The following GALNT2 variants were observed in gnomAD, a reference collection of about 807,000 sequenced individuals.
GALNT2 encodes UDP-GalNAc:polypeptide N-acetylgalactosaminyltransferase 2.
In GALNT2, 31 loss-of-function variants were observed where a neutral mutation model predicts 81.4. That is an observed-to-expected ratio of 0.38 (90% CI 0.29 to 0.51). The LOEUF (loss-of-function observed/expected upper bound fraction) is 0.51. Among genes scored for constraint, GALNT2 ranks in the 20% least tolerant of loss-of-function variants. GALNT2 has a pLI of 0.87. For missense variants in GALNT2, 629 were observed against 765.7 expected, an observed-to-expected ratio of 0.82 and a Z score of 2.11; for synonymous variants, 303 against 287.4, an observed-to-expected ratio of 1.05 and a Z score of -0.55.
At chr1:230,197,136 C>T (rs961739022) in intron 2 of GALNT2, among the ~76,000 whole-genome samples, 1 of 151,988 alleles carries the variant, frequency 6.6e-6, no homozygotes, top group Non-Finnish European at 1.5e-5. Flanking sequence ...GGACCTGTCT[C>T]GCATCTCCCC....
chr1:230,082,830 G>A (rs572035925), intron 1 of GALNT2, among the ~76,000 whole-genome samples: 17 of 152,322 alleles, frequency 1.1e-4, no homozygotes, highest in Non-Finnish European at 2.1e-4. Flanking sequence ...AGCAGGATAA[G>A]GACAGCTGTG....
chr1:230,153,647 G>A (rs1285320682), intron 1 of GALNT2, among the ~76,000 whole-genome samples: 1 of 152,110 alleles, frequency 6.6e-6, no homozygotes, highest in African/African-American at 2.4e-5. Context: ...CCAGCCCCAC[G>A]CCCCTGAGTT....
At chr1:230,128,070 C>T (rs1661248106) in intron 1 of GALNT2, among the ~76,000 whole-genome samples, 1 of 152,158 alleles carries the variant, frequency 6.6e-6, no homozygotes, top group African/African-American at 2.4e-5. Flanking sequence ...TTCTCATCAC[C>T]AGCTGGGTGG....
At chr1:230,114,186 C>T (rs1481900663) in intron 1 of GALNT2, among the ~76,000 whole-genome samples, 1 of 152,160 alleles carries the variant, frequency 6.6e-6, no homozygotes, top group Non-Finnish European at 1.5e-5. Flanking sequence ...ACAGTGATTC[C>T]TCTGGCCACA....
intron 1 of GALNT2, among the ~76,000 whole-genome samples, chr1:230,084,447 A>AG (rs1251155030): frequency 6.6e-6 from 1 of 151,934 alleles, no homozygotes; most frequent in African/African-American, 2.4e-5. Context: ...CAACCAAAGG[A>AG]GGAGGGCAAG....
At chr1:230,208,914 C>T (rs1006818787) in intron 3 of GALNT2, among the ~76,000 whole-genome samples, 3 of 152,060 alleles carry the variant, frequency 2.0e-5, no homozygotes, top group African/African-American at 7.2e-5. Flanking sequence ...GCATTTACCA[C>T]CAGGGCCCAA....
intron 1 of GALNT2, among the ~76,000 whole-genome samples, chr1:230,137,855 C>T (rs1414743113): frequency 6.6e-6 from 1 of 152,178 alleles, no homozygotes; most frequent in Non-Finnish European, 1.5e-5. Flanking sequence ...ATATATTCTC[C>T]TTTGATTTCT....
At chr1:230,244,593 C>T (rs939347328) in intron 7 of GALNT2, among the ~76,000 whole-genome samples, 15 of 152,054 alleles carry the variant, frequency 9.9e-5, no homozygotes, top group East Asian at 1.9e-4. Flanking sequence ...CGAAGGTCAC[C>T]GAGCTCAGTG....
chr1:230,197,589 T>C (rs1316197139), intron 2 of GALNT2, among the ~76,000 whole-genome samples: 1 of 152,160 alleles, frequency 6.6e-6, no homozygotes, highest in African/African-American at 2.4e-5. Flanking sequence ...CCTGTAAATA[T>C]CAGTTAATTT....
intron 1 of GALNT2, among the ~76,000 whole-genome samples, chr1:230,068,630 C>T (rs1659280952): frequency 6.6e-6 from 1 of 152,078 alleles, no homozygotes; most frequent in South Asian, 2.1e-4. Context: ...ATGTCCACGC[C>T]GGGGTTTGGC....
intron 1 of GALNT2, among the ~76,000 whole-genome samples, chr1:230,075,769 C>G (rs1339349404): frequency 6.6e-6 from 1 of 152,052 alleles, no homozygotes; most frequent in Non-Finnish European, 1.5e-5. Flanking sequence ...AAAAATAGAG[C>G]AGTGTATGGG....
chr1:230,087,612 G>C (rs1247619368), intron 1 of GALNT2, among the ~76,000 whole-genome samples: 3 of 152,216 alleles, frequency 2.0e-5, no homozygotes, highest in Non-Finnish European at 4.4e-5. Context: ...GGGCCCAAGT[G>C]TGTTTTAGAA....
At chr1:230,114,671 G>C (rs1660794965) in intron 1 of GALNT2, among the ~76,000 whole-genome samples, 1 of 152,184 alleles carries the variant, frequency 6.6e-6, no homozygotes, top group Admixed American at 6.5e-5. Flanking sequence ...AGCTGACCCA[G>C]TAAACGCACT....
At chr1:230,234,316 T>C (rs1051333772) in intron 3 of GALNT2, among the ~76,000 whole-genome samples, 2 of 152,164 alleles carry the variant, frequency 1.3e-5, no homozygotes, top group Admixed American at 1.3e-4. Flanking sequence ...GAGACCTTGG[T>C]TCTGAGGCTT....
chr1:230,169,358 C>G (rs1662715950), intron 1 of GALNT2, among the ~76,000 whole-genome samples: 1 of 152,170 alleles, frequency 6.6e-6, no homozygotes, highest in African/African-American at 2.4e-5. Flanking sequence ...GAAACTGAGG[C>G]TCAGAGAAGC....
chr1:230,104,949 G>T lies in GALNT2; in HGVS notation c.126+37543G>T, dbSNP rs907233151. Among the ~76,000 whole-genome samples, 4 of 152,328 alleles carry T rather than the reference G, an allele frequency of 2.6e-5. No individual in the cohort carries two copies. In the East Asian group the frequency reaches 7.7e-4, roughly 29 times the overall value. ...GCATACTCGGAAAATGAATCAGAGTGGGGGAAAGTGTCAGAGAAACAGCAG... is the reference window on the plus strand; with the variant it reads ...GCATACTCGGAAAATGAATCAGAGTTGGGGAAAGTGTCAGAGAAACAGCAG... On this transcript the variant is annotated intron_variant, in intron 1 of 15. Transcript: ENST00000366672.
intron 1 of GALNT2, among the ~76,000 whole-genome samples, chr1:230,143,008 A>G (rs1489502394): frequency 6.6e-6 from 1 of 152,064 alleles, no homozygotes; most frequent in Non-Finnish European, 1.5e-5. Context: ...GGCTGGGCCC[A>G]TCCCTGGTTC....
chr1:230,275,801 CAT>C lies in GALNT2; in HGVS notation c.1560+1245_1560+1246del, dbSNP rs1460930204. Among the ~76,000 whole-genome samples, 1 of 150,758 alleles carries C rather than the reference CAT, an allele frequency of 6.6e-6. No individual in the cohort carries two copies. Among genetic ancestry groups the C allele is most frequent in the African/African-American group, 2.4e-5 (1 of 40,932 alleles). ...GATATATACATATATATACATGCCA[CAT>C]ATATATACAAATATACATGCCACAT... On this transcript the variant is annotated intron_variant, in intron 15 of 15. Coordinates refer to ENST00000366672, the MANE Select transcript of GALNT2 (RefSeq NM_004481.5). The surrounding 1 kb of genome is among the most constrained non-coding windows in gnomAD (Gnocchi z 5.5).
At chr1:230,273,721 TA>T (rs1403203798) in intron 14 of GALNT2, among the ~76,000 whole-genome samples, 2 of 152,238 alleles carry the variant, frequency 1.3e-5, no homozygotes, top group Non-Finnish European at 2.9e-5. Flanking sequence ...GTGTGTTATT[TA>T]AACACTCTCT....
Sources: gnomAD v4.1 joint callset for allele counts (sites outside exome capture counted in the v4.1 genomes callset) on GRCh38, gnomAD v4.1.1 for gene constraint, Gnocchi (gnomAD v3.1) non-coding constraint, MANE v1.5 for transcripts, NCBI Gene and HGNC (gene_info 2026-07-23, HGNC 2026-07-21) for gene names.